Variants in SLC28A1 observed in about 807,000 individuals in gnomAD.
The protein encoded by SLC28A1 is sodium/nucleoside cotransporter 1.
Under a neutral mutation model 74.8 loss-of-function variants are expected in SLC28A1, and 64 were observed. That is an observed-to-expected ratio of 0.86 (90% CI 0.70 to 1.05). The LOEUF (loss-of-function observed/expected upper bound fraction) is 1.05, where lower values mean the gene tolerates loss of function less well. SLC28A1 is among the 50% of genes least tolerant of loss of function. The probability of loss-of-function intolerance (pLI) is 0.00; values close to 1 mark genes in which losing one functional copy is unlikely to be tolerated. For synonymous variants in SLC28A1, 359 were observed against 335.0 expected, an observed-to-expected ratio of 1.07 and a Z score of -0.78; for missense variants, 828 against 822.8, an observed-to-expected ratio of 1.01 and a Z score of -0.08.
At chr15:84,946,668 C>G (rs1255239133), downstream of SLC28A1, among the ~76,000 whole-genome samples, 1 of 152,100 alleles carries the variant, frequency 6.6e-6, no homozygotes, top group Non-Finnish European at 1.5e-5. Flanking sequence ...TGGGGCCTCT[C>G]TGTTGGGCTG....
chr15:84,889,121 C>G (rs1329139059), intron 4 of SLC28A1, among the ~76,000 whole-genome samples: 1 of 152,172 alleles, frequency 6.6e-6, no homozygotes, highest in Admixed American at 6.5e-5. Flanking sequence ...CTGCCCTGAA[C>G]CAGCCAGGCC....
At chr15:84,908,615 A>C in intron 8 of SLC28A1, 103 bp from the exon 9 acceptor site, 6 of 893,010 alleles carry the variant, frequency 6.7e-6, no homozygotes, top group South Asian at 1.4e-5. Flanking sequence ...GCCTGGGGGG[A>C]CTACGTCCCT....
At chr15:84,930,659 C>T (rs112131391) in intron 12 of SLC28A1, among the ~76,000 whole-genome samples, 18,225 of 146,744 alleles carry the variant, frequency 0.12, 1,492 homozygotes, top group Admixed American at 0.18. Context: ...ACTCTGTCGC[C>T]CGGGCTGGAG....
chr15:84,923,280 A>G (rs1431570341), intron 11 of SLC28A1, among the ~76,000 whole-genome samples: 1 of 152,052 alleles, frequency 6.6e-6, no homozygotes, highest in Non-Finnish European at 1.5e-5. Context: ...ATTATCACAC[A>G]TATCTTCATA....
the SLC28A1 span, among the ~76,000 whole-genome samples, chr15:84,965,353 A>C: frequency 6.6e-6 from 1 of 152,240 alleles, no homozygotes; most frequent in South Asian, 2.1e-4. Flanking sequence ...TAAATTACCC[A>C]GTCTCAAGTA....
At chr15:84,891,962 C>T (rs1596203337) in intron 5 of SLC28A1, among the ~76,000 whole-genome samples, 1 of 151,878 alleles carries the variant, frequency 6.6e-6, no homozygotes, top group Non-Finnish European at 1.5e-5. Context: ...TCCCCTGGCA[C>T]GGAGTAGAAA....
At chr15:84,892,703 A>G (rs958071050) in intron 5 of SLC28A1, among the ~76,000 whole-genome samples, 1 of 152,116 alleles carries the variant, frequency 6.6e-6, no homozygotes, top group African/African-American at 2.4e-5. Context: ...TTCTGGGAAT[A>G]GCTGTGATAG....
chr15:84,951,216 G>A, the SLC28A1 span, among the ~76,000 whole-genome samples: 1 of 152,118 alleles, frequency 6.6e-6, no homozygotes, highest in African/African-American at 2.4e-5. Flanking sequence ...GGAAGGCCAA[G>A]GTGGGCAGAT....
chr15:84,889,074 G>A (rs1411719383), intron 4 of SLC28A1, among the ~76,000 whole-genome samples: 1 of 152,176 alleles, frequency 6.6e-6, no homozygotes, highest in Non-Finnish European at 1.5e-5. Context: ...CAGCTGAAAC[G>A]AAATCCCATC....
intron 9 of SLC28A1, among the ~76,000 whole-genome samples, chr15:84,917,992 C>A (rs1013143610): frequency 6.6e-6 from 1 of 152,084 alleles, no homozygotes; most frequent in African/African-American, 2.4e-5. Flanking sequence ...GATGCTGGCT[C>A]AGGTCCGGGA....
the SLC28A1 span, among the ~76,000 whole-genome samples, chr15:84,952,732 C>CA: frequency 4.1e-4 from 63 of 152,072 alleles, 1 homozygote; most frequent in South Asian, 0.011. Flanking sequence ...CAAAAAAATA[C>CA]AAAAAAATTA....
rs143666524 is a variant in SLC28A1 at position 84,944,627 on chromosome 15, G to T, written c.1725G>T (p.Thr575=). 2 of 1,613,926 alleles carry T rather than the reference G, an allele frequency of 1.2e-6. No homozygotes were observed. Among genetic ancestry groups the T allele is most frequent in the South Asian group, 1.1e-5 (1 of 91,088 alleles). The part of the protein sequence containing the change: ...FSQIVLRALF[T]GACVSLVNAC... ...AGATAGTGCTCCGGGCGCTCTTCAC[G>T]GGAGCCTGTGTGTCCCTGGTGAACG... is the stretch of plus-strand genomic sequence containing the variant. The change falls in exon 17 of 19, where the codon ACG becomes ACT. Residue 575 remains threonine, a synonymous_variant. Coordinates refer to ENST00000394573, the MANE Select transcript of SLC28A1 (RefSeq NM_004213.5).
chr15:84,886,762 G>C lies in SLC28A1; in HGVS notation c.-42G>C, dbSNP rs529479103. 4.9e-5 allele frequency: 48 copies of C among 985,416 alleles called. No homozygotes were observed. The African/African-American group carries it at 7.5e-4, about 15-fold the overall frequency. The allele number at this position is 985,416 out of a possible 1,614,324, so 61.0% of individuals were successfully genotyped here. A position where few individuals can be genotyped will look rare whatever the true frequency, so the allele number is the denominator to read the frequency against. On this transcript the variant is annotated 5_prime_UTR_variant, in exon 2 of 19. An upstream open reading frame in the 5' UTR loses its in-frame stop. Coordinates refer to ENST00000394573, the MANE Select transcript of SLC28A1 (RefSeq NM_004213.5). ...GAGACGTGTGCTTCCCTCTCTCTCT[G>C]AGAGCGACCTGTTAACCGCAAATAC...
At chr15:84,949,016 T>G (rs2079325296), downstream of SLC28A1, among the ~76,000 whole-genome samples, 1 of 152,212 alleles carries the variant, frequency 6.6e-6, no homozygotes, top group African/African-American at 2.4e-5. Flanking sequence ...GCCCATTAGT[T>G]TTAAAAAGTC....
chr15:84,912,818 A>G (rs200429604), intron 9 of SLC28A1, among the ~76,000 whole-genome samples: 30,286 of 128,806 alleles, frequency 0.24, 3,499 homozygotes, highest in South Asian at 0.48. Flanking sequence ...ACACACACAC[A>G]CACACACACA....
rs1341701454 is a variant in SLC28A1 at position 84,924,066 on chromosome 15, G to A, written c.1039G>A (p.Ala347Thr). The A allele has an allele frequency of 3.1e-6, 5 of 1,613,830 alleles. No homozygotes were observed. The highest frequency in any genetic ancestry group is 1.1e-5 in the South Asian group (1 of 91,066). The change falls in exon 12 of 19, where the codon GCC (alanine) becomes ACC (threonine). Residue 347 changes from alanine (A) to threonine (T), a missense_variant. By Grantham distance (58) the Ala-to-Thr change is moderately conservative. Around this residue, in one of 3 missense-constraint regions of SLC28A1, gnomAD observed 767 missense variants for 753.5 expected, o/e 1.02. Coordinates refer to ENST00000394573, the MANE Select transcript of SLC28A1 (RefSeq NM_004213.5). Reference sequence around the variant, plus strand: ...CCACGTTGTCATGACCGGAGGTTACGCCACCATTGCTGGCAGCCTGCTGGG... The same window carrying A: ...CCACGTTGTCATGACCGGAGGTTACACCACCATTGCTGGCAGCCTGCTGGG... ...EVHVVMTGGY[A>T]TIAGSLLGAY...
At chr15:84,903,849 G>T (rs561119157) in intron 6 of SLC28A1, among the ~76,000 whole-genome samples, 2 of 152,268 alleles carry the variant, frequency 1.3e-5, no homozygotes, top group African/African-American at 4.8e-5. Flanking sequence ...GAAATGAGGG[G>T]TCTCTGGCTT....
At chr15:84,975,615 A>G in the SLC28A1 span, 26 of 451,856 alleles carry the variant, frequency 5.8e-5, no homozygotes, top group African/African-American at 2.0e-4. Context: ...CATTTATTAA[A>G]GAAGCATCCT....
At chr15:84,908,178 CTTTTTT>C (rs71135328) in intron 8 of SLC28A1, among the ~76,000 whole-genome samples, 14,763 of 91,330 alleles carry the variant, frequency 0.16, 653 homozygotes, top group Middle Eastern at 0.28. Flanking sequence ...CAGAGCATTT[CTTTTTT>C]TTTTTTTTTT....
Sources: allele counts gnomAD v4.1 joint callset (sites outside exome capture counted in the v4.1 genomes callset), GRCh38; gene constraint gnomAD v4.1.1; regional missense constraint gnomAD v4.1.1; transcripts MANE v1.5; gene names NCBI Gene and HGNC (gene_info 2026-07-23, HGNC 2026-07-21).